Variants in IFNLR1 observed in about 807,000 individuals in gnomAD.
IFNLR1 encodes the protein CRF2-12.
IFNLR1 carries 28 observed loss-of-function variants against 52.5 expected under a neutral mutation model. That is an observed-to-expected ratio of 0.53 (90% CI 0.40 to 0.73). IFNLR1 has a LOEUF of 0.73. Among genes scored for constraint, IFNLR1 ranks in the 30% least tolerant of loss-of-function variants. The pLI, the probability that IFNLR1 is intolerant of heterozygous loss-of-function variation, is 0.00. For synonymous variants in IFNLR1, 276 were observed against 274.9 expected (o/e 1.00, Z -0.04); for missense variants, 623 against 659.1 (o/e 0.95, Z 0.60).
At chr1:24,168,426 G>A (rs372546354) in intron 3 of IFNLR1, among the ~76,000 whole-genome samples, 7 of 151,688 alleles carry the variant, frequency 4.6e-5, no homozygotes, top group African/African-American at 1.7e-4. Context: ...TTTGTTACCC[G>A]GCCCTGCCCG....
At chr1:24,162,823 TTTCTTTC>T (rs1270846987) in intron 3 of IFNLR1, among the ~76,000 whole-genome samples, 1 of 33,266 alleles carries the variant, frequency 3.0e-5, no homozygotes, top group Non-Finnish European at 6.4e-5. Flanking sequence ...TTTTTTCTTC[TTTCTTTC>T]TTTTCTTTCT....
chr1:24,162,796 CTTTCTT>C (rs1557644019), intron 3 of IFNLR1, among the ~76,000 whole-genome samples: 4,200 of 78,262 alleles, frequency 0.054, 625 homozygotes, highest in Middle Eastern at 0.064. Flanking sequence ...CTTTTTCTTT[CTTTCTT>C]TTTTCTTTCT....
chr1:24,160,892 T>G lies in IFNLR1; in HGVS notation c.510+650A>C, dbSNP rs79222247. ...ACAAGCATGCATCACCACACCCAGC[T>G]TTTTTTTTTTTTGTAGGGATAATGT... On this transcript the variant is annotated intron_variant, in intron 4 of 6. Transcript: ENST00000327535. Among the ~76,000 whole-genome samples, 35 of 137,042 alleles carry G rather than the reference T, an allele frequency of 2.6e-4. No individual in the cohort carries two copies. The Middle Eastern group carries it at 0.011, about 44-fold the overall frequency. 89.9% of individuals were successfully genotyped at this position (137,042 alleles called of 152,430 possible).
rs771310364 is a variant in IFNLR1 at position 24,157,858 on chromosome 1, A to G, written c.835T>C (p.Phe279Leu). ...ACGGACTCTGGTCTGCTGGGCTGAA[A>G]GGTTGCCACAGGGTGTGTGTGTCCA... ...FSGHTHPVATFQPSRPESVND... is the reference protein window; with the variant it reads ...FSGHTHPVATLQPSRPESVND... The change falls in exon 7 of 7, where the codon TTT becomes CTT. Residue 279 changes from phenylalanine (F) to leucine (L), a missense_variant. Coordinates refer to ENST00000327535, the MANE Select transcript of IFNLR1 (RefSeq NM_170743.4). This position sits in a 1 kb window ranked among gnomAD's most constrained non-coding sequence, Gnocchi z 5.1. 2.5e-6 allele frequency: 4 copies of G among 1,607,674 alleles called. No individual in the cohort carries two copies. In the Admixed American group the frequency reaches 6.8e-5, roughly 27 times the overall value.
Position 24,159,534 on chromosome 1 carries a change from A to G in IFNLR1, c.610T>C (p.Phe204Leu). ...HCLSARTIYT[F>L]SVPKYSKFSK... ...AACTTGCTGTATTTCGGGACACTGAACGTGTAGATGGTTCTGGCACTGAGG... is the reference window on the plus strand; with the variant it reads ...AACTTGCTGTATTTCGGGACACTGAGCGTGTAGATGGTTCTGGCACTGAGG... The change falls in exon 5 of 7, where the codon TTC becomes CTC. Residue 204 changes from phenylalanine (F) to leucine (L), a missense_variant. Coordinates refer to ENST00000327535, the MANE Select transcript of IFNLR1 (RefSeq NM_170743.4). 6.2e-7 allele frequency: 1 copy of G among 1,614,130 alleles called. No individual in the cohort carries two copies. The highest frequency in any genetic ancestry group is 8.5e-7 in the Non-Finnish European group (1 of 1,179,994).
chr1:24,157,496 GT>G lies in IFNLR1; in HGVS notation c.1196del (p.Asp399AlafsTer74). On this transcript the variant is annotated frameshift_variant, in exon 7 of 7. Coordinates refer to ENST00000327535, the MANE Select transcript of IFNLR1 (RefSeq NM_170743.4). LOFTEE classifies it high-confidence loss of function. The surrounding 1 kb of genome is among the most constrained non-coding windows in gnomAD (Gnocchi z 5.1). ...SWASTVDSSW[D>X]RAGSSGYLAE... The stretch of plus-strand genomic sequence containing the variant: ...CCAAATAGCCAGAGGACCCAGCCCT[GT>G]CCCAGGAGGAGTCCACAGTGCTGGC... The G allele has an allele frequency of 6.2e-7, 1 of 1,612,778 alleles. No individual in the cohort carries two copies. Among genetic ancestry groups the G allele is most frequent in the Non-Finnish European group, 8.5e-7 (1 of 1,179,294 alleles).
chr1:24,169,322 G>T, intron 3 of IFNLR1, 95 bp downstream of exon 3: 1 of 1,207,658 alleles, frequency 8.3e-7, no homozygotes, highest in South Asian at 1.5e-5. Flanking sequence ...GGAAGTGGGA[G>T]ACAGATGGTC....
intron 1 of IFNLR1, among the ~76,000 whole-genome samples, chr1:24,184,125 T>C (rs1297735156): frequency 2.0e-5 from 3 of 152,140 alleles, no homozygotes; most frequent in Non-Finnish European, 2.9e-5. Flanking sequence ...ACAGGACTTT[T>C]TGCCCTTCCT....
chr1:24,163,039 C>A (rs1232077871), intron 3 of IFNLR1, among the ~76,000 whole-genome samples: 1 of 147,410 alleles, frequency 6.8e-6, no homozygotes, highest in African/African-American at 2.5e-5. Context: ...CAGCTCACTG[C>A]AACCTCTGCC....
At position 24,157,353 on chromosome 1, in the gene IFNLR1, G is replaced by A; in HGVS notation, c.1340C>T (p.Ser447Phe). ...TGGTAAGGTGCCCCAGGTGGCCCAG[G>A]AGGAGAGGTTATCTTCTGGGAGCTC... The part of the protein sequence containing the change: ...LEELPEDNLS[S>F]WATWGTLPPE... Residue 447 changes from serine to phenylalanine, a missense_variant, in exon 7 of 7, where the codon TCC (serine) becomes TTC (phenylalanine). Coordinates refer to ENST00000327535, the MANE Select transcript of IFNLR1 (RefSeq NM_170743.4). The surrounding 1 kb of genome is among the most constrained non-coding windows in gnomAD (Gnocchi z 5.1). 6.2e-7 allele frequency: 1 copy of A among 1,614,172 alleles called. No individual in the cohort carries two copies. The highest frequency in any genetic ancestry group is 2.2e-5 in the East Asian group (1 of 44,874).
At chr1:24,180,672 T>TAATAC in intron 2 of IFNLR1, 59 bp downstream of exon 2, 1 of 432,142 alleles carries the variant, frequency 2.3e-6, no homozygotes. Flanking sequence ...GAGAAGCCCC[T>TAATAC]CCAGCCCCCA....
intron 3 of IFNLR1, among the ~76,000 whole-genome samples, chr1:24,168,681 C>A (rs558356143): frequency 4.7e-4 from 71 of 152,040 alleles, no homozygotes; most frequent in African/African-American, 1.6e-3. Context: ...CTTTACCCCC[C>A]CACCCCCCAC....
chr1:24,178,851 A>G (rs1323247068), intron 2 of IFNLR1, among the ~76,000 whole-genome samples: 2 of 152,230 alleles, frequency 1.3e-5, no homozygotes, highest in Admixed American at 1.3e-4. Flanking sequence ...TCTTTATAAA[A>G]TAATTCCAAC....
intron 2 of IFNLR1, among the ~76,000 whole-genome samples, chr1:24,179,652 A>G (rs1179133115): frequency 6.6e-6 from 1 of 152,206 alleles, no homozygotes; most frequent in African/African-American, 2.4e-5. Context: ...GACAAGACAC[A>G]GCACCCTCTG....
chr1:24,172,965 C>A lies in IFNLR1; in HGVS notation c.183-3364G>T, dbSNP rs139458625. On this transcript the variant is annotated intron_variant, in intron 2 of 6. Coordinates refer to ENST00000327535, the MANE Select transcript of IFNLR1 (RefSeq NM_170743.4). Reference sequence around the variant, plus strand: ...ACCAGTCCTATTAGATTAGGGCCCACCCTTATGATCTCATTTTACTTTAAT... The same window carrying A: ...ACCAGTCCTATTAGATTAGGGCCCAACCTTATGATCTCATTTTACTTTAAT... 9.3e-3 allele frequency among the ~76,000 whole-genome samples: 1,413 copies of A among 152,200 alleles called. 12 individuals are homozygous for A. The highest frequency in any genetic ancestry group is 0.048 in the Middle Eastern group (14 of 294).
Position 24,157,011 on chromosome 1 carries a change from A to C in IFNLR1, c.*119T>G. 8.4e-7 allele frequency: 1 copy of C among 1,186,768 alleles called. No individual in the cohort carries two copies. The allele number at this position is 1,186,768 out of a possible 1,614,324, so 73.5% of individuals were successfully genotyped here. A position where few individuals can be genotyped will look rare whatever the true frequency, so the allele number is the denominator to read the frequency against. ...ACAGCCGCTAGGTGGACTTCCCGGA[A>C]GTGCAATGCCCCTCCGCCGCCCAGG... On this transcript the variant is annotated 3_prime_UTR_variant, in exon 7 of 7. Transcript: ENST00000327535. The surrounding 1 kb of genome is among the most constrained non-coding windows in gnomAD (Gnocchi z 5.1).
rs1029023933 is a variant in IFNLR1, at chr1:24,155,945, A to C, written c.*1185T>G. 1 of 152,216 alleles carries C rather than the reference A, an allele frequency of 6.6e-6. No homozygotes were observed. Among genetic ancestry groups the C allele is most frequent in the Non-Finnish European group, 1.5e-5 (1 of 68,044 alleles). The allele number at this position is 152,216 out of a possible 1,614,324, so 9.4% of individuals were successfully genotyped here. On this transcript the variant is annotated 3_prime_UTR_variant, in exon 7 of 7. Transcript: ENST00000327535. The stretch of plus-strand genomic sequence containing the variant: ...TGAATCTAGAAGGCATTGGTTTCTC[A>C]TAACTGGAAGGGAGAATGGGACTTC...
At chr1:24,169,365 C>A (rs765529213) in intron 3 of IFNLR1, 52 bp downstream of exon 3, 40 of 1,529,772 alleles carry the variant, frequency 2.6e-5, no homozygotes, top group Non-Finnish European at 3.4e-5. Flanking sequence ...CTGAGCACAG[C>A]TCCCCGATGG....
chr1:24,162,906 TC>T (rs1644477025), intron 3 of IFNLR1, among the ~76,000 whole-genome samples: 1 of 101,534 alleles, frequency 9.8e-6, no homozygotes, highest in African/African-American at 4.1e-5. Context: ...CTTCCTTCCT[TC>T]CTTCCTTCCT....
Sources: gnomAD v4.1 joint callset for allele counts (sites outside exome capture counted in the v4.1 genomes callset) on GRCh38, gnomAD v4.1.1 for gene constraint, Gnocchi (gnomAD v3.1) non-coding constraint, MANE v1.5 for transcripts, NCBI Gene and HGNC (gene_info 2026-07-23, HGNC 2026-07-21) for gene names.